Variants in ATXN1 observed in about 807,000 individuals in gnomAD.
ATXN1 encodes the protein ataxin-1.
In ATXN1, 8 loss-of-function variants were observed where a neutral mutation model predicts 56.4. The ratio of observed to expected loss-of-function variants is 0.14; its 90% CI spans 0.08 to 0.26. The LOEUF (loss-of-function observed/expected upper bound fraction) is 0.26, where lower values mean the gene tolerates loss of function less well. Ranked by LOEUF, ATXN1 falls within the 10% of genes least tolerant of loss-of-function variation. The pLI is 1.00. For missense variants in ATXN1, 987 were observed against 1,106.5 expected (o/e 0.89, Z 1.53); for synonymous variants, 514 against 494.6 (o/e 1.04, Z -0.52).
chr6:16,626,273 T>C (rs1763404775), intron 3 of ATXN1, among the ~76,000 whole-genome samples: 1 of 152,142 alleles, frequency 6.6e-6, no homozygotes, highest in African/African-American at 2.4e-5. Context: ...AGTTTAATAA[T>C]ATTTATTTAT....
At chr6:16,626,579 A>C (rs1347930594) in intron 3 of ATXN1, among the ~76,000 whole-genome samples, 2 of 152,214 alleles carry the variant, frequency 1.3e-5, no homozygotes, top group Non-Finnish European at 2.9e-5. Flanking sequence ...TACAGGCATG[A>C]GCCACTGCGC....
At chr6:16,452,825 CAATT>C (rs1255936739) in intron 6 of ATXN1, among the ~76,000 whole-genome samples, 2 of 152,144 alleles carry the variant, frequency 1.3e-5, no homozygotes, top group African/African-American at 4.8e-5. Flanking sequence ...ATGTTACAGA[CAATT>C]AATTCACATT....
In ATXN1 at chr6:16,700,662, G is replaced by A. The variant is rs189176537; in HGVS notation, c.-614-42761C>T. Among the ~76,000 whole-genome samples, 83 of 152,098 alleles carry A rather than the reference G, an allele frequency of 5.5e-4. 1 individual carries two copies. In the South Asian group the frequency reaches 0.016, roughly 29 times the overall value. ...TTCAGCCTCCTTTGGCTTCCTAACC[G>A]CCACCCACAGACCTCCAAACGTGGG... On this transcript the variant is annotated intron_variant, in intron 2 of 7. Transcript: ENST00000436367.
intron 6 of ATXN1, among the ~76,000 whole-genome samples, chr6:16,345,022 G>A (rs1338485581): frequency 2.6e-5 from 4 of 152,194 alleles, no homozygotes; most frequent in Non-Finnish European, 5.9e-5. Flanking sequence ...GGTGCTGTCC[G>A]TCCTTGGTTG....
intron 6 of ATXN1, among the ~76,000 whole-genome samples, chr6:16,336,811 A>T (rs189490771): frequency 2.8e-4 from 43 of 152,274 alleles, no homozygotes; most frequent in African/African-American, 1.0e-3. Flanking sequence ...GCAGTGGGTC[A>T]AGCAAAGGCA....
At chr6:16,646,307 TC>T (rs1388160996) in intron 3 of ATXN1, among the ~76,000 whole-genome samples, 2 of 152,170 alleles carry the variant, frequency 1.3e-5, no homozygotes, top group African/African-American at 4.8e-5. Context: ...CATGACCCTC[TC>T]CTATTCAACA....
chr6:16,505,315 C>T, intron 5 of ATXN1, among the ~76,000 whole-genome samples: 1 of 152,162 alleles, frequency 6.6e-6, no homozygotes, highest in Non-Finnish European at 1.5e-5. Context: ...AACCATCAGA[C>T]TTTCTGTTAC....
chr6:16,589,238 C>T (rs236977), intron 3 of ATXN1, among the ~76,000 whole-genome samples: 9,631 of 152,118 alleles, frequency 0.063, 399 homozygotes, highest in African/African-American at 0.12. Flanking sequence ...TCATATTTTC[C>T]TGTACTTGTT....
rs188048788 is a variant in ATXN1, at chr6:16,467,368, G to A, written c.-161+18604C>T. ...GCATGAAGCGTGGTTATTCTATCAC[G>A]GAGATATGCTCCTCATCCACAAACC... On this transcript the variant is annotated intron_variant, in intron 6 of 7. Coordinates refer to ENST00000436367, the MANE Select transcript of ATXN1 (RefSeq NM_001128164.2). 2.1e-3 allele frequency among the ~76,000 whole-genome samples: 318 copies of A among 152,352 alleles called. 2 individuals carry two copies. Among genetic ancestry groups the A allele is most frequent in the Admixed American group, 3.6e-3 (55 of 15,302 alleles).
At chr6:16,674,203 C>G (rs1758608312) in intron 2 of ATXN1, among the ~76,000 whole-genome samples, 1 of 152,136 alleles carries the variant, frequency 6.6e-6, no homozygotes, top group South Asian at 2.1e-4. Flanking sequence ...TTCCCAGCCA[C>G]AGGCAAGGGA....
intron 6 of ATXN1, among the ~76,000 whole-genome samples, chr6:16,352,101 C>G (rs1303107050): frequency 6.6e-6 from 1 of 152,164 alleles, no homozygotes; most frequent in Non-Finnish European, 1.5e-5. Flanking sequence ...GTTCCAGAAA[C>G]TTGGATCTTT....
intron 3 of ATXN1, among the ~76,000 whole-genome samples, chr6:16,618,032 G>A (rs1170107209): frequency 6.6e-6 from 1 of 151,144 alleles, no homozygotes; most frequent in Non-Finnish European, 1.5e-5. Flanking sequence ...GTGAATGGAA[G>A]GCTTTTCTAG....
chr6:16,564,263 T>A (rs1011034409), intron 4 of ATXN1, among the ~76,000 whole-genome samples: 2 of 151,818 alleles, frequency 1.3e-5, no homozygotes, highest in African/African-American at 2.4e-5. Flanking sequence ...GAGAGTGAGA[T>A]AGGTAAGAAG....
chr6:16,691,147 T>A (rs1355258227), intron 2 of ATXN1, among the ~76,000 whole-genome samples: 4 of 152,210 alleles, frequency 2.6e-5, no homozygotes, highest in African/African-American at 9.7e-5. Context: ...GGAATTTCAT[T>A]GTAAGTGTCG....
At chr6:16,524,720 G>A (rs549054008) in intron 4 of ATXN1, among the ~76,000 whole-genome samples, 30 of 152,326 alleles carry the variant, frequency 2.0e-4, no homozygotes, top group Admixed American at 1.2e-3. Context: ...CTGTAACAAT[G>A]GAGGAAAGAC....
intron 4 of ATXN1, among the ~76,000 whole-genome samples, chr6:16,533,235 A>C (rs551556270): frequency 1.3e-5 from 2 of 152,202 alleles, no homozygotes; most frequent in African/African-American, 2.4e-5. Flanking sequence ...AAGAAGAAGA[A>C]GAAGACCCCT....
chr6:16,388,220 A>G (rs179957), intron 6 of ATXN1, among the ~76,000 whole-genome samples: 81,057 of 152,072 alleles, frequency 0.53, 22,451 homozygotes, highest in Admixed American at 0.65. Context: ...GTCCCATGCA[A>G]TGCTGTCAGC....
At chr6:16,738,208 A>C (rs2113500988) in intron 2 of ATXN1, 1 of 152,324 alleles carries the variant, frequency 6.6e-6, no homozygotes, top group African/African-American at 2.4e-5. Context: ...TAAAAAACAA[A>C]ACAAAACAAT....
intron 6 of ATXN1, among the ~76,000 whole-genome samples, chr6:16,357,316 C>T (rs1277673500): frequency 6.6e-6 from 1 of 151,168 alleles, no homozygotes; most frequent in Admixed American, 6.6e-5. Flanking sequence ...GTCACCCAGG[C>T]TGGAGTGCAG....
Sources: allele counts gnomAD v4.1 joint callset (sites outside exome capture counted in the v4.1 genomes callset), GRCh38; gene constraint gnomAD v4.1.1; transcripts MANE v1.5; gene names NCBI Gene and HGNC (gene_info 2026-07-23, HGNC 2026-07-21).